Variants in SLC8A1 observed in about 807,000 individuals in gnomAD.
SLC8A1 encodes sodium/calcium exchanger 1.
A neutral mutation model predicts 68.3 loss-of-function variants in SLC8A1; 18 were observed. The ratio of observed to expected loss-of-function variants is 0.26; its 90% confidence interval spans 0.18 to 0.39. The LOEUF is 0.39. Among genes scored for constraint, SLC8A1 ranks in the 10% least tolerant of loss-of-function variants. The pLI is 1.00. For missense variants in SLC8A1, 985 were observed against 1,156.7 expected (o/e 0.85, Z 2.15); for synonymous variants, 475 against 415.5 (o/e 1.14, Z -1.74).
chr2:40,179,269 T>C (rs547230551), intron 2 of SLC8A1, among the ~76,000 whole-genome samples: 1 of 152,238 alleles, frequency 6.6e-6, no homozygotes, highest in African/African-American at 2.4e-5. Context: ...GAGTTTTAAC[T>C]TTCTATGAAA....
intron 2 of SLC8A1, among the ~76,000 whole-genome samples, chr2:40,252,246 A>T (rs2062875612): frequency 6.6e-6 from 1 of 152,172 alleles, no homozygotes; most frequent in Non-Finnish European, 1.5e-5. Flanking sequence ...AGTTTGAGAT[A>T]AGCCAGTGAA....
chr2:40,427,468 T>C (rs1454113563), intron 2 of SLC8A1, among the ~76,000 whole-genome samples: 1 of 152,122 alleles, frequency 6.6e-6, no homozygotes, highest in African/African-American at 2.4e-5. Flanking sequence ...CGTCGTTTGT[T>C]GTACTGAAGA....
chr2:40,272,688 T>A (rs1268279972), intron 2 of SLC8A1, among the ~76,000 whole-genome samples: 1 of 152,184 alleles, frequency 6.6e-6, no homozygotes, highest in East Asian at 1.9e-4. Context: ...TGGCAGTGCA[T>A]CAGGCAATGC....
At chr2:40,386,502 G>T (rs932925146) in intron 2 of SLC8A1, among the ~76,000 whole-genome samples, 9 of 135,934 alleles carry the variant, frequency 6.6e-5, no homozygotes, top group African/African-American at 2.4e-4. Context: ...AGCTATTTTA[G>T]ATCAGGATTT....
intron 2 of SLC8A1, among the ~76,000 whole-genome samples, chr2:40,179,974 T>C (rs1226324330): frequency 6.6e-6 from 1 of 152,162 alleles, no homozygotes. Flanking sequence ...TAAAGAACAT[T>C]CTTGAATGAT....
At chr2:40,227,598 T>A (rs1376969408) in intron 2 of SLC8A1, among the ~76,000 whole-genome samples, 1 of 151,838 alleles carries the variant, frequency 6.6e-6, no homozygotes, top group South Asian at 2.1e-4. Context: ...AGGAAAAAAA[T>A]TGATACTAGG....
At chr2:40,477,620 C>T (rs2149909021) in intron 1 of SLC8A1, among the ~76,000 whole-genome samples, 1 of 152,314 alleles carries the variant, frequency 6.6e-6, no homozygotes, top group Non-Finnish European at 1.5e-5. Context: ...AACTTCACAG[C>T]ATTTTTCTCC....
intron 2 of SLC8A1, among the ~76,000 whole-genome samples, chr2:40,352,772 G>T (rs907720270): frequency 6.6e-6 from 1 of 152,150 alleles, no homozygotes; most frequent in Non-Finnish European, 1.5e-5. Flanking sequence ...ACTGCTTTCA[G>T]AAGTAGGACG....
chr2:40,102,858 A>G (rs1221958839), exon 8 of SLC8A1: 1 of 152,228 alleles, frequency 6.6e-6, no homozygotes, highest in African/African-American at 2.4e-5. Flanking sequence ...ATGAAAATAC[A>G]GTCCTTACTG....
chr2:40,162,788 G>A (rs940769018), intron 5 of SLC8A1, among the ~76,000 whole-genome samples: 5 of 152,066 alleles, frequency 3.3e-5, no homozygotes, highest in Non-Finnish European at 7.4e-5. Flanking sequence ...AAAGGCTTGT[G>A]AAAACCTCAC....
chr2:40,416,493 CTCTAA>C (rs892303622), intron 2 of SLC8A1, among the ~76,000 whole-genome samples: 55 of 152,272 alleles, frequency 3.6e-4, no homozygotes, highest in Middle Eastern at 3.4e-3. Flanking sequence ...TCACACTTTA[CTCTAA>C]ATCTTATTCA....
At chr2:40,463,995 A>G (rs1027281980) in intron 1 of SLC8A1, among the ~76,000 whole-genome samples, 15 of 152,154 alleles carry the variant, frequency 9.9e-5, no homozygotes, top group Middle Eastern at 3.4e-3. Context: ...CCCAGGTTCT[A>G]GCAATTCTCC....
At chr2:40,354,473 GT>G (rs1382160493) in intron 2 of SLC8A1, among the ~76,000 whole-genome samples, 2 of 152,096 alleles carry the variant, frequency 1.3e-5, no homozygotes, top group Non-Finnish European at 2.9e-5. Flanking sequence ...AATGGGGGTG[GT>G]TGTGGCATTT....
intron 2 of SLC8A1, among the ~76,000 whole-genome samples, chr2:40,239,337 C>T (rs2060889390): frequency 6.6e-6 from 1 of 152,164 alleles, no homozygotes; most frequent in Non-Finnish European, 1.5e-5. Flanking sequence ...ACCAAGATCA[C>T]TGAGTTATCT....
At chr2:40,276,590 C>T (rs1282595378) in intron 2 of SLC8A1, among the ~76,000 whole-genome samples, 1 of 152,190 alleles carries the variant, frequency 6.6e-6, no homozygotes, top group Non-Finnish European at 1.5e-5. Context: ...GTGACTTCTA[C>T]TTAAATCAAG....
chr2:40,349,449 A>G (rs1342755045), intron 2 of SLC8A1, among the ~76,000 whole-genome samples: 1 of 152,236 alleles, frequency 6.6e-6, no homozygotes, highest in Non-Finnish European at 1.5e-5. Flanking sequence ...AAGACTTTCT[A>G]GTTACCAGTG....
At chr2:40,218,718 C>G (rs562703067) in intron 2 of SLC8A1, among the ~76,000 whole-genome samples, 1 of 116,074 alleles carries the variant, frequency 8.6e-6, no homozygotes, top group African/African-American at 2.8e-5. Context: ...TGAAAACATT[C>G]TTCTGGGGGA....
chr2:40,350,976 G>T (rs12995004), intron 2 of SLC8A1, among the ~76,000 whole-genome samples: 71,110 of 151,920 alleles, frequency 0.47, 17,271 homozygotes, highest in East Asian at 0.68. Flanking sequence ...GAGAAATGAC[G>T]GCAGCTCTGT....
intron 2 of SLC8A1, among the ~76,000 whole-genome samples, chr2:40,379,513 G>C (rs962378557): frequency 6.6e-6 from 1 of 152,054 alleles, no homozygotes; most frequent in Non-Finnish European, 1.5e-5. Context: ...CTTCTCAAAA[G>C]TGTCCCCCAT....
Sources: allele counts gnomAD v4.1 joint callset (sites outside exome capture counted in the v4.1 genomes callset), GRCh38; gene constraint gnomAD v4.1.1; transcripts MANE v1.5; gene names NCBI Gene and HGNC (gene_info 2026-07-23, HGNC 2026-07-21).